The following BAIAP2 variants were observed in gnomAD, a reference collection of about 807,000 sequenced individuals.
BAIAP2 encodes BAR/IMD domain-containing adapter protein 2.
In BAIAP2, 18 loss-of-function variants were observed where a neutral mutation model predicts 63.0. The ratio of observed to expected loss-of-function variants is 0.29; its 90% CI spans 0.20 to 0.42. BAIAP2 has a LOEUF of 0.42. Ranked by LOEUF, BAIAP2 falls within the 10% of genes least tolerant of loss-of-function variation. The probability of loss-of-function intolerance (pLI) is 1.00; values close to 1 mark genes in which losing one functional copy is unlikely to be tolerated. For missense variants in BAIAP2, 610 were observed against 734.3 expected (o/e 0.83, Z 1.96); for synonymous variants, 386 against 307.6 (o/e 1.25, Z -2.67).
chr17:81,066,264 C>A (rs577357473), intron 3 of BAIAP2, among the ~76,000 whole-genome samples: 1 of 152,254 alleles, frequency 6.6e-6, no homozygotes, highest in Non-Finnish European at 1.5e-5. Flanking sequence ...GCCAGCTGCC[C>A]GGCATCCCCA....
intron 3 of BAIAP2, among the ~76,000 whole-genome samples, chr17:81,059,204 G>A (rs1194170798): frequency 2.6e-5 from 4 of 152,366 alleles, no homozygotes; most frequent in African/African-American, 7.2e-5. Context: ...ATGCCCGGGC[G>A]GCTGGAGTTT....
intron 1 of BAIAP2, chr17:81,036,774 G>C: frequency 8.6e-7 from 1 of 1,165,184 alleles, no homozygotes; most frequent in Non-Finnish European, 1.2e-6. Context: ...TTCTGGCCTT[G>C]TTGCTCTGTG....
rs932919043 is a variant in BAIAP2, at chr17:81,046,287, T to C, written c.55-7381T>C. ...CCCTCGTTTCCTAAATCCGTGTACATGTGTTTGTAGTTTGTCTCCGACTCA... is the reference window on the plus strand; with the variant it reads ...CCCTCGTTTCCTAAATCCGTGTACACGTGTTTGTAGTTTGTCTCCGACTCA... On this transcript the variant is annotated intron_variant, in intron 1 of 13. Transcript: ENST00000428708. This position sits in a 1 kb window ranked among gnomAD's most constrained non-coding sequence, Gnocchi z 4.5. Among the ~76,000 whole-genome samples, 2 of 152,062 alleles carry C rather than the reference T, an allele frequency of 1.3e-5. No homozygotes were observed. Among genetic ancestry groups the C allele is most frequent in the Non-Finnish European group, 2.9e-5 (2 of 67,994 alleles).
chr17:81,097,913 C>T (rs1226878737), intron 6 of BAIAP2, among the ~76,000 whole-genome samples: 1 of 152,188 alleles, frequency 6.6e-6, no homozygotes, highest in Non-Finnish European at 1.5e-5. Flanking sequence ...GGAAAGTTTC[C>T]AGCCTACAAA....
chr17:81,064,285 G>C (rs60677357), intron 3 of BAIAP2, among the ~76,000 whole-genome samples: 2,189 of 152,360 alleles, frequency 0.014, 48 homozygotes, highest in African/African-American at 0.049. Flanking sequence ...AGTGCCCACA[G>C]CCGGGGAGGT....
At chr17:81,072,951 A>C (rs959404874) in intron 3 of BAIAP2, among the ~76,000 whole-genome samples, 35 of 151,880 alleles carry the variant, frequency 2.3e-4, no homozygotes, top group African/African-American at 8.0e-4. Flanking sequence ...ACAAACATGC[A>C]CGCTTCCCTG....
At chr17:81,100,146 T>A (rs1598780014) in intron 7 of BAIAP2, 66 bp downstream of exon 7, 3 of 1,529,408 alleles carry the variant, frequency 2.0e-6, no homozygotes, top group Admixed American at 4.0e-5. Flanking sequence ...CCCAGGCCCC[T>A]GCCCCAGCCC....
chr17:81,081,717 C>CCCCCA (rs1207858265), intron 3 of BAIAP2, among the ~76,000 whole-genome samples: 1 of 152,164 alleles, frequency 6.6e-6, no homozygotes, highest in Non-Finnish European at 1.5e-5. Context: ...CTTAGACTTG[C>CCCCCA]CCCCACCCCA....
intron 6 of BAIAP2, among the ~76,000 whole-genome samples, chr17:81,088,069 TTTC>T (rs762374431): frequency 2.6e-4 from 39 of 151,932 alleles, no homozygotes; most frequent in Non-Finnish European, 4.0e-4. Context: ...TGTGTCTGTT[TTTC>T]TTCTTCCTCC....
intron 12 of BAIAP2, 87 bp downstream of exon 12, chr17:81,106,994 G>T: frequency 7.1e-7 from 1 of 1,417,994 alleles, no homozygotes; most frequent in African/African-American, 1.5e-5. Context: ...CTCCGCTGAG[G>T]GGCGGGGCGC....
chr17:81,035,548 G>T (rs1281989036), intron 1 of BAIAP2, among the ~76,000 whole-genome samples: 1 of 149,440 alleles, frequency 6.7e-6, no homozygotes, highest in Non-Finnish European at 1.5e-5. Flanking sequence ...GCGCGCCGCG[G>T]CCCGGTCAGT....
At chr17:81,042,692 A>G (rs1362017761) in intron 1 of BAIAP2, among the ~76,000 whole-genome samples, 2 of 151,892 alleles carry the variant, frequency 1.3e-5, no homozygotes, top group African/African-American at 2.4e-5. Flanking sequence ...TGTGCCGGAA[A>G]ACAGCGACAT....
At chr17:81,111,587 G>C (rs2059934159) in intron 13 of BAIAP2, among the ~76,000 whole-genome samples, 1 of 152,230 alleles carries the variant, frequency 6.6e-6, no homozygotes, top group East Asian at 1.9e-4. Flanking sequence ...CTGGGTCCAG[G>C]TTTGAGCTGA....
chr17:81,101,642 C>G (rs913651252), intron 7 of BAIAP2, among the ~76,000 whole-genome samples: 1 of 152,168 alleles, frequency 6.6e-6, no homozygotes, highest in African/African-American at 2.4e-5. Flanking sequence ...CGTGCACACA[C>G]ACACACACGC....
At chr17:81,108,188 G>A (rs545050014) in intron 12 of BAIAP2, 5 of 495,944 alleles carry the variant, frequency 1.0e-5, no homozygotes, top group South Asian at 2.9e-5. Flanking sequence ...GGTCTCAGGC[G>A]GCCAGTCTTG....
intron 6 of BAIAP2, among the ~76,000 whole-genome samples, chr17:81,091,518 G>A (rs938075223): frequency 2.0e-5 from 3 of 152,164 alleles, no homozygotes; most frequent in Non-Finnish European, 4.4e-5. Flanking sequence ...CCTGCCCCCA[G>A]CTCTTCTAGC....
chr17:81,071,864 G>T (rs138823503), intron 3 of BAIAP2, among the ~76,000 whole-genome samples: 3 of 152,224 alleles, frequency 2.0e-5, no homozygotes, highest in Admixed American at 6.5e-5. Flanking sequence ...GTGGGTGGCC[G>T]GTCCCCTCCT....
intron 6 of BAIAP2, among the ~76,000 whole-genome samples, chr17:81,088,925 C>A (rs1402887530): frequency 2.0e-5 from 3 of 152,236 alleles, no homozygotes; most frequent in Non-Finnish European, 4.4e-5. Flanking sequence ...AGGCTGGAGC[C>A]AGAGGCCTGA....
intron 2 of BAIAP2, chr17:81,056,288 G>C (rs1227724075): frequency 1.3e-5 from 2 of 152,258 alleles, no homozygotes; most frequent in African/African-American, 4.8e-5. Flanking sequence ...ATCTCTTCCT[G>C]GCTGGGTCTG....
Sources: allele counts gnomAD v4.1 joint callset (sites outside exome capture counted in the v4.1 genomes callset), GRCh38; gene constraint gnomAD v4.1.1; non-coding constraint Gnocchi (gnomAD v3.1); transcripts MANE v1.5; gene names NCBI Gene and HGNC (gene_info 2026-07-23, HGNC 2026-07-21).